Variants in TNRC6B observed in about 807,000 individuals in gnomAD.
The protein encoded by TNRC6B is trinucleotide repeat-containing gene 6B protein.
TNRC6B carries 52 observed loss-of-function variants against 203.6 expected under a neutral mutation model. That is an observed-to-expected ratio of 0.26 (90% CI 0.20 to 0.32). TNRC6B has a LOEUF of 0.32. TNRC6B is among the 10% of genes least tolerant of loss of function. The pLI is 1.00. For missense variants in TNRC6B, 1,923 were observed against 2,286.2 expected, an observed-to-expected ratio of 0.84 and a Z score of 3.24; for synonymous variants, 838 against 845.7, an observed-to-expected ratio of 0.99 and a Z score of 0.16.
chr22:40,192,395 ATCACCTGAGG>A (rs1279421735), intron 1 of TNRC6B, among the ~76,000 whole-genome samples: 1 of 152,158 alleles, frequency 6.6e-6, no homozygotes, highest in East Asian at 1.9e-4. Context: ...AGGCGGGTGG[ATCACCTGAGG>A]TCGGGAGTTG....
chr22:40,252,011 G>A (rs1644102109), intron 3 of TNRC6B, among the ~76,000 whole-genome samples: 1 of 152,148 alleles, frequency 6.6e-6, no homozygotes, highest in Admixed American at 6.5e-5. Context: ...ACAGAAGCAG[G>A]TGCCCCTTGG....
intron 3 of TNRC6B, among the ~76,000 whole-genome samples, chr22:40,126,947 CT>C (rs2068499150): frequency 6.6e-6 from 1 of 150,504 alleles, no homozygotes; most frequent in Non-Finnish European, 1.5e-5. Context: ...AATTTGTTTG[CT>C]TTGTTTTTTC....
rs568554909 is a variant in TNRC6B at position 40,218,386 on chromosome 22, G to A, written c.6-27629G>A. 2.8e-5 allele frequency among the ~76,000 whole-genome samples: 4 copies of A among 142,432 alleles called. No homozygotes were observed. The South Asian group carries it at 8.9e-4, about 32-fold the overall frequency. The allele number at this position is 142,432 out of a possible 152,430, so 93.4% of individuals were successfully genotyped here. A position where few individuals can be genotyped will look rare whatever the true frequency, so the allele number is the denominator to read the frequency against. On this transcript the variant is annotated intron_variant, in intron 1 of 22. Coordinates refer to ENST00000454349, the MANE Select transcript of TNRC6B (RefSeq NM_001162501.2). Reference sequence around the variant, plus strand: ...CTGTCACTCAGGCTGGAGTGCAGTGGCATGATCGTGGCTCTCTGCAGCCTC... The same window carrying A: ...CTGTCACTCAGGCTGGAGTGCAGTGACATGATCGTGGCTCTCTGCAGCCTC...
At chr22:40,213,342 A>T (rs758605535) in intron 1 of TNRC6B, among the ~76,000 whole-genome samples, 2 of 152,158 alleles carry the variant, frequency 1.3e-5, no homozygotes, top group Non-Finnish European at 2.9e-5. Flanking sequence ...AGGAGGCGGC[A>T]CCCTCAGTCT....
At chr22:40,292,075 T>G (rs1271524001) in intron 12 of TNRC6B, among the ~76,000 whole-genome samples, 1 of 152,134 alleles carries the variant, frequency 6.6e-6, no homozygotes, top group African/African-American at 2.4e-5. Flanking sequence ...GCGTCTGTAG[T>G]CCCAGCTGCT....
intron 2 of TNRC6B, among the ~76,000 whole-genome samples, chr22:40,248,444 C>G (rs1163208439): frequency 6.6e-6 from 1 of 152,170 alleles, no homozygotes; most frequent in African/African-American, 2.4e-5. Flanking sequence ...GGATGCCAAA[C>G]AGAGTGATTT....
At chr22:40,091,107 G>C (rs2146297024) in intron 1 of TNRC6B, among the ~76,000 whole-genome samples, 1 of 152,086 alleles carries the variant, frequency 6.6e-6, no homozygotes, top group African/African-American at 2.4e-5. Flanking sequence ...TCAGCCTCCT[G>C]AATAGCTGGG....
At chr22:40,133,467 G>A (rs562905860) in intron 3 of TNRC6B, among the ~76,000 whole-genome samples, 2 of 152,226 alleles carry the variant, frequency 1.3e-5, no homozygotes, top group South Asian at 2.1e-4. Flanking sequence ...GTTGAGGGAG[G>A]TAACCATACC....
At chr22:40,321,436 C>T (rs2071332914) in intron 22 of TNRC6B, 1 of 527,538 alleles carries the variant, frequency 1.9e-6, no homozygotes, top group Non-Finnish European at 3.3e-6. Flanking sequence ...ATATCAGAGG[C>T]CAGTCGTCAG....
At chr22:40,290,669 A>C (rs8139516) in intron 12 of TNRC6B, among the ~76,000 whole-genome samples, 80 of 137,382 alleles carry the variant, frequency 5.8e-4, no homozygotes, top group African/African-American at 1.1e-3. Context: ...TCACTCCCCC[A>C]CCCCCCGACC....
intron 21 of TNRC6B, among the ~76,000 whole-genome samples, chr22:40,318,054 GC>G (rs1165622300): frequency 6.6e-6 from 1 of 152,062 alleles, no homozygotes; most frequent in Non-Finnish European, 1.5e-5. Flanking sequence ...GACTTCTTAG[GC>G]CTTTTAATAC....
At chr22:40,105,579 T>C (rs1355186158) in intron 1 of TNRC6B, among the ~76,000 whole-genome samples, 1 of 152,190 alleles carries the variant, frequency 6.6e-6, no homozygotes, top group Non-Finnish European at 1.5e-5. Flanking sequence ...TTGTGTCTCG[T>C]CCTTATGTTT....
chr22:40,305,067 G>T (rs2071072903), intron 15 of TNRC6B, among the ~76,000 whole-genome samples: 1 of 152,226 alleles, frequency 6.6e-6, no homozygotes, highest in African/African-American at 2.4e-5. Flanking sequence ...GTTAATTTAA[G>T]AGCATTTCCT....
rs551814744 is a variant in TNRC6B, at chr22:40,242,452, C to T, written c.6-3563C>T. Among the ~76,000 whole-genome samples the T allele has an allele frequency of 3.0e-4, 45 of 149,796 alleles. No individual in the cohort carries two copies. The South Asian group carries it at 6.1e-3, about 20-fold the overall frequency. ...TTTTCTTTTCTTTTTTTTTTTGAGACGGAATTTCGCTCTTGTTGCCCAGGC... is the reference window on the plus strand; with the variant it reads ...TTTTCTTTTCTTTTTTTTTTTGAGATGGAATTTCGCTCTTGTTGCCCAGGC... On this transcript the variant is annotated intron_variant, in intron 1 of 22. Coordinates refer to ENST00000454349, the MANE Select transcript of TNRC6B (RefSeq NM_001162501.2).
At chr22:40,215,154 T>C (rs1253395626) in intron 1 of TNRC6B, among the ~76,000 whole-genome samples, 1 of 152,186 alleles carries the variant, frequency 6.6e-6, no homozygotes, top group Non-Finnish European at 1.5e-5. Context: ...TGGTGTCACT[T>C]TTTCTTAGTG....
intron 1 of TNRC6B, among the ~76,000 whole-genome samples, chr22:40,067,426 A>C (rs2067904560): frequency 6.6e-6 from 1 of 152,088 alleles, no homozygotes. Context: ...CCAACAGAAT[A>C]TATATTTGTA....
At chr22:40,143,220 A>G (rs2068659911) in intron 3 of TNRC6B, among the ~76,000 whole-genome samples, 1 of 152,192 alleles carries the variant, frequency 6.6e-6, no homozygotes. Context: ...ACTTGAGGCC[A>G]GGAGTTTGAA....
At chr22:40,223,299 C>T (rs886902125) in intron 1 of TNRC6B, among the ~76,000 whole-genome samples, 3 of 152,110 alleles carry the variant, frequency 2.0e-5, no homozygotes, top group Non-Finnish European at 4.4e-5. Flanking sequence ...TGCCACCACA[C>T]CTGGCTAATT....
At chr22:40,086,028 G>A (rs889569707) in intron 1 of TNRC6B, among the ~76,000 whole-genome samples, 2 of 152,008 alleles carry the variant, frequency 1.3e-5, no homozygotes, top group African/African-American at 4.8e-5. Flanking sequence ...ACACCACTAT[G>A]CCTGGCTAAT....
Sources: gnomAD v4.1 joint callset for allele counts (sites outside exome capture counted in the v4.1 genomes callset) on GRCh38, gnomAD v4.1.1 for gene constraint, MANE v1.5 for transcripts, NCBI Gene and HGNC (gene_info 2026-07-23, HGNC 2026-07-21) for gene names.